Variants in SAMD5 observed in about 807,000 individuals in gnomAD.
SAMD5 encodes sterile alpha motif domain containing 5, also known as sterile alpha motif domain-containing protein 5.
A neutral mutation model predicts 11.3 loss-of-function variants in SAMD5; 13 were observed. That is an observed-to-expected ratio of 1.15 (90% CI 0.75 to 1.83). SAMD5 has a LOEUF of 1.83. SAMD5 is among the 40% of genes most tolerant of loss of function. The probability of loss-of-function intolerance (pLI) is 0.00; values close to 1 mark genes in which losing one functional copy is unlikely to be tolerated. For missense variants in SAMD5, 255 were observed against 239.1 expected (o/e 1.07, Z -0.44); for synonymous variants, 129 against 111.3 (o/e 1.16, Z -1.00).
At chr6:147,856,829 G>T in the SAMD5 span, among the ~76,000 whole-genome samples, 9 of 145,302 alleles carry the variant, frequency 6.2e-5, no homozygotes, top group South Asian at 4.3e-4. Flanking sequence ...CGCGGGGGGG[G>T]GGGGAAGCTT....
chr6:147,551,047 A>G (rs1788763480), intron 1 of SAMD5, among the ~76,000 whole-genome samples: 1 of 152,178 alleles, frequency 6.6e-6, no homozygotes, highest in African/African-American at 2.4e-5. Flanking sequence ...ATGTGGAAGC[A>G]CAGTAGAGGG....
the SAMD5 span, among the ~76,000 whole-genome samples, chr6:147,903,525 A>G: frequency 6.6e-6 from 1 of 152,200 alleles, no homozygotes; most frequent in East Asian, 1.9e-4. Flanking sequence ...ACTGACCACA[A>G]ATGGAAGCTG....
chr6:147,616,679 A>G (rs1789878123), intron 1 of SAMD5, among the ~76,000 whole-genome samples: 1 of 152,252 alleles, frequency 6.6e-6, no homozygotes, highest in Non-Finnish European at 1.5e-5. Context: ...TGAGTAATTT[A>G]TAAAGGAAAG....
chr6:147,778,031 T>C, the SAMD5 span, among the ~76,000 whole-genome samples: 2 of 152,190 alleles, frequency 1.3e-5, no homozygotes, highest in African/African-American at 2.4e-5. Flanking sequence ...TTAACTTTTT[T>C]AAAGGAACTG....
the SAMD5 span, among the ~76,000 whole-genome samples, chr6:147,914,893 C>G: frequency 2.6e-5 from 4 of 152,052 alleles, no homozygotes; most frequent in African/African-American, 9.7e-5. Flanking sequence ...AATGCAAAAT[C>G]CTGGACTTTT....
At chr6:147,942,609 A>G in the SAMD5 span, among the ~76,000 whole-genome samples, 4 of 152,202 alleles carry the variant, frequency 2.6e-5, no homozygotes, top group Non-Finnish European at 5.9e-5. Flanking sequence ...TACAATATGC[A>G]GATACTGATC....
At chr6:147,743,479 G>A in the SAMD5 span, among the ~76,000 whole-genome samples, 1 of 151,710 alleles carries the variant, frequency 6.6e-6, no homozygotes, top group African/African-American at 2.4e-5. Flanking sequence ...CTCCAGCCTG[G>A]GCAACAGAGC....
the SAMD5 span, among the ~76,000 whole-genome samples, chr6:147,756,638 T>G: frequency 6.6e-6 from 1 of 152,214 alleles, no homozygotes; most frequent in Non-Finnish European, 1.5e-5. Context: ...GATTTTGAGC[T>G]TAGATTCCTT....
At chr6:147,851,395 T>G in the SAMD5 span, among the ~76,000 whole-genome samples, 1 of 152,208 alleles carries the variant, frequency 6.6e-6, no homozygotes, top group Non-Finnish European at 1.5e-5. Context: ...CTGGCAGTCT[T>G]AGAACATACC....
the SAMD5 span, among the ~76,000 whole-genome samples, chr6:147,890,219 CATT>C: frequency 6.6e-6 from 1 of 151,692 alleles, no homozygotes; most frequent in South Asian, 2.1e-4. Flanking sequence ...AAACATAAAT[CATT>C]AAGAAAAAAA....
chr6:147,907,188 G>A, the SAMD5 span, among the ~76,000 whole-genome samples: 3 of 152,166 alleles, frequency 2.0e-5, no homozygotes. Flanking sequence ...AATTGAGGTG[G>A]TTTCCCACTT....
intron 1 of SAMD5, among the ~76,000 whole-genome samples, chr6:147,616,436 C>T (rs1257172805): frequency 6.6e-6 from 1 of 151,790 alleles, no homozygotes; most frequent in Admixed American, 6.6e-5. Flanking sequence ...GGGGATTCCT[C>T]GGTCACTATG....
At chr6:147,639,367 T>A (rs577122714) in intron 1 of SAMD5, among the ~76,000 whole-genome samples, 9 of 152,246 alleles carry the variant, frequency 5.9e-5, no homozygotes, top group Non-Finnish European at 1.2e-4. Flanking sequence ...AGTTTTATTC[T>A]ATGTAGCCCA....
chr6:147,522,112 C>G (rs1302204664), intron 1 of SAMD5, among the ~76,000 whole-genome samples: 1 of 152,048 alleles, frequency 6.6e-6, no homozygotes, highest in Non-Finnish European at 1.5e-5. Flanking sequence ...AGGTAAAGCT[C>G]TATTGTTATA....
the SAMD5 span, among the ~76,000 whole-genome samples, chr6:147,938,029 T>C: frequency 6.6e-6 from 1 of 152,194 alleles, no homozygotes; most frequent in Admixed American, 6.5e-5. Flanking sequence ...GAGCTTCCAA[T>C]GAAGTAAAAC....
intron 1 of SAMD5, among the ~76,000 whole-genome samples, chr6:147,597,041 C>A (rs969008633): frequency 2.6e-5 from 4 of 152,136 alleles, no homozygotes; most frequent in African/African-American, 9.7e-5. Flanking sequence ...GGGGAGCGGA[C>A]ACCCAGCTGA....
intron 1 of SAMD5, among the ~76,000 whole-genome samples, chr6:147,588,337 G>A (rs1363448622): frequency 3.2e-5 from 4 of 126,026 alleles, no homozygotes; most frequent in Non-Finnish European, 4.8e-5. Context: ...TTTTTGAGAC[G>A]GAGTCTCGCT....
chr6:147,910,248 A>G, the SAMD5 span, among the ~76,000 whole-genome samples: 1 of 152,018 alleles, frequency 6.6e-6, no homozygotes, highest in Non-Finnish European at 1.5e-5. Context: ...CTCAGTTCTC[A>G]TTGCCTACCC....
the SAMD5 span, among the ~76,000 whole-genome samples, chr6:147,923,769 C>T: frequency 1.1e-4 from 16 of 152,286 alleles, no homozygotes; most frequent in East Asian, 3.1e-3. Context: ...TAGGTTTACA[C>T]TGTATAGATG....
Sources: allele counts gnomAD v4.1 joint callset (sites outside exome capture counted in the v4.1 genomes callset), GRCh38; gene constraint gnomAD v4.1.1; transcripts MANE v1.5; gene names NCBI Gene and HGNC (gene_info 2026-07-23, HGNC 2026-07-21).